Variants in VEZF1 observed in about 807,000 individuals in gnomAD.
The protein encoded by VEZF1 is vascular endothelial zinc finger 1.
VEZF1 carries 5 observed loss-of-function variants against 44.1 expected under a neutral mutation model. That is an observed-to-expected ratio of 0.11 (90% CI 0.06 to 0.24). The LOEUF is 0.24. VEZF1 is among the 10% of genes least tolerant of loss of function. VEZF1 has a pLI of 1.00. For synonymous variants in VEZF1, 236 were observed against 233.1 expected, an observed-to-expected ratio of 1.01 and a Z score of -0.11; for missense variants, 358 against 641.8, an observed-to-expected ratio of 0.56 and a Z score of 4.78.
rs569737296 is a variant in VEZF1 at position 57,974,715 on chromosome 17, T to C, written c.1324A>G (p.Ile442Val). 5.0e-6 allele frequency: 8 copies of C among 1,614,062 alleles called. No homozygotes were observed. Among genetic ancestry groups the C allele is most frequent in the African/African-American group, 1.3e-5 (1 of 74,930 alleles). Reference protein sequence around the residue: ...SAVNITSPMNIGHPVTITSPL... With the variant: ...SAVNITSPMNVGHPVTITSPL... The stretch of plus-strand genomic sequence containing the variant: ...CTGGTTATAGTTACAGGATGCCCTA[T>C]GTTCATTGGGCTGGTTATGTTAACT... Residue 442 changes from isoleucine (I) to valine (V), a missense_variant, in exon 6 of 6, where the codon ATA (isoleucine) becomes GTA (valine). This residue lies in a region of VEZF1 where 171 missense variants were observed against 272.4 expected (regional missense o/e 0.63). Coordinates refer to ENST00000581208, the MANE Select transcript of VEZF1 (RefSeq NM_007146.3).
intron 4 of VEZF1, 150 bp from the exon 5 acceptor site, chr17:57,979,463 G>C: frequency 8.7e-7 from 1 of 1,148,396 alleles, no homozygotes; most frequent in South Asian, 2.3e-5. Context: ...TGTCTATATT[G>C]GTCAAAATAA....
chr17:57,980,104 C>T (rs930606603), intron 4 of VEZF1, among the ~76,000 whole-genome samples: 1 of 151,744 alleles, frequency 6.6e-6, no homozygotes, highest in African/African-American at 2.4e-5. Flanking sequence ...TAGATTAACA[C>T]ACATTAAGCT....
chr17:57,983,281 G>C lies in VEZF1; in HGVS notation c.146C>G (p.Thr49Ser), dbSNP rs757659005. The C allele has an allele frequency of 1.2e-6, 2 of 1,614,162 alleles. No individual in the cohort carries two copies. The highest frequency in any genetic ancestry group is 2.2e-5 in the South Asian group (2 of 91,084). ...TTCTGGTGCACCCTGAGGTTTCTGA[G>C]TTATTGGTATTGGAAGCAATGGTTT... ...DQKPLLPIPI[T>S]QKPQGAPETL... Residue 49 changes from threonine to serine, a missense_variant, in exon 2 of 6, where the codon ACT (threonine) becomes AGT (serine). By Grantham distance (58) the Thr-to-Ser change is moderately conservative. Transcript: ENST00000581208.
At chr17:57,985,164 T>C in intron 1 of VEZF1, 1 of 796,720 alleles carries the variant, frequency 1.3e-6, no homozygotes, top group Non-Finnish European at 1.7e-6. Context: ...GGAATGCAGA[T>C]CTTCTGGACA....
intron 1 of VEZF1, chr17:57,986,035 G>A (rs906709702): frequency 1.3e-4 from 19 of 151,862 alleles, no homozygotes; most frequent in Non-Finnish European, 2.1e-4. Flanking sequence ...AACTGCTCTC[G>A]GCTCTAAATT....
rs1473423040 is a variant in VEZF1, at chr17:57,983,004, T to C, written c.423A>G (p.Thr141=). The change falls in exon 2 of 6, where the codon ACA becomes ACG. Residue 141 remains threonine (T), a synonymous_variant. Transcript: ENST00000581208. ...TACTGGGGTTGGTGCCCGAGGAAGA[T>C]GTAGTGACTGTTGACAAGATGCCTG... ...TIAGILSTVT[T]SSSGTNPSSS... The C allele has an allele frequency of 1.9e-6, 3 of 1,614,094 alleles. No individual in the cohort carries two copies. The highest frequency in any genetic ancestry group is 1.6e-4 in the Middle Eastern group (1 of 6,062).
chr17:57,986,751 G>T (rs901483181), intron 1 of VEZF1, among the ~76,000 whole-genome samples: 1 of 152,218 alleles, frequency 6.6e-6, no homozygotes, highest in African/African-American at 2.4e-5. Context: ...ACTCCACTAG[G>T]ATGAATCCAG....
intron 3 of VEZF1, among the ~76,000 whole-genome samples, chr17:57,981,505 TCTC>T (rs2075249369): frequency 6.6e-6 from 1 of 152,216 alleles, no homozygotes; most frequent in Admixed American, 6.5e-5. Flanking sequence ...TTCATTATTT[TCTC>T]CTATTACAGT....
intron 5 of VEZF1, among the ~76,000 whole-genome samples, chr17:57,978,445 C>T (rs2075213347): frequency 6.6e-6 from 1 of 152,184 alleles, no homozygotes; most frequent in South Asian, 2.1e-4. Flanking sequence ...GAAATGGCTG[C>T]ACAATAGTCC....
At chr17:57,975,180 T>C (rs2075178003) in intron 5 of VEZF1, among the ~76,000 whole-genome samples, 1 of 152,244 alleles carries the variant, frequency 6.6e-6, no homozygotes, top group Non-Finnish European at 1.5e-5. Flanking sequence ...TTTACTTACC[T>C]ACCTCACAGT....
rs138270166 is a variant in VEZF1, at chr17:57,972,232, TA to T, written c.*2240del. The T allele has an allele frequency of 0.022, 3,366 of 152,474 alleles. 51 individuals carry two copies. The highest frequency in any genetic ancestry group is 0.051 in the Middle Eastern group (15 of 294). 9.4% of individuals were successfully genotyped at this position (152,474 alleles called of 1,614,324 possible). ...GGGTTCTGACAACCACATTCTAGCTTAGGGGTAGGGCCCACACCTGCCCCCA... is the reference window on the plus strand; with the variant it reads ...GGGTTCTGACAACCACATTCTAGCTTGGGGTAGGGCCCACACCTGCCCCCA... On this transcript the variant is annotated 3_prime_UTR_variant, in exon 6 of 6. Transcript: ENST00000581208.
chr17:57,980,486 T>C (rs189486926), intron 4 of VEZF1, 117 bp downstream of exon 4: 122 of 971,454 alleles, frequency 1.3e-4, no homozygotes, highest in Non-Finnish European at 1.8e-4. Flanking sequence ...TGTTTGCACA[T>C]GTTGGCAATA....
rs2143312823 is a variant in VEZF1, at chr17:57,974,263, C to T, written c.*210G>A. On this transcript the variant is annotated 3_prime_UTR_variant, in exon 6 of 6. Transcript: ENST00000581208. ...CAATGTTGTCAGCTAAAAGGAATTT[C>T]TGATTAAACTAAAGTGGTCCAGTGA... 1.7e-6 allele frequency: 1 copy of T among 588,706 alleles called. No individual in the cohort carries two copies. The highest frequency in any genetic ancestry group is 2.5e-5 in the South Asian group (1 of 39,520). 36.5% of individuals were successfully genotyped at this position (588,706 alleles called of 1,614,324 possible).
chr17:57,980,877 C>T (rs2143348906), intron 3 of VEZF1, 91 bp from the exon 4 acceptor site: 3 of 1,258,464 alleles, frequency 2.4e-6, no homozygotes, highest in East Asian at 2.5e-5. Flanking sequence ...ACCCTATCCA[C>T]ATCAGCAAGC....
At chr17:57,984,858 C>CT (rs1252677298) in intron 1 of VEZF1, among the ~76,000 whole-genome samples, 3 of 152,180 alleles carry the variant, frequency 2.0e-5, no homozygotes, top group African/African-American at 7.2e-5. Flanking sequence ...TGTAATCACC[C>CT]TTTGAGTCCT....
intron 1 of VEZF1, among the ~76,000 whole-genome samples, 171 bp from the exon 2 acceptor site, chr17:57,983,564 T>C (rs548025820): frequency 5.3e-5 from 8 of 152,226 alleles, no homozygotes; most frequent in Non-Finnish European, 8.8e-5. Flanking sequence ...ATACAAAGCA[T>C]TGAAAAATCA....
At position 57,977,905 on chromosome 17, in the gene VEZF1, G is replaced by A. The variant is rs536542322; in HGVS notation, c.1138+1247C>T. ...TTTTATTTTTATCCAAGTATAGGAGGTTTAGAGATCACTCTGGCCAGGTGT... is the reference window on the plus strand; with the variant it reads ...TTTTATTTTTATCCAAGTATAGGAGATTTAGAGATCACTCTGGCCAGGTGT... On this transcript the variant is annotated intron_variant, in intron 5 of 5. Transcript: ENST00000581208. Among the ~76,000 whole-genome samples, 6 of 151,914 alleles carry A rather than the reference G, an allele frequency of 3.9e-5. No homozygotes were observed. The South Asian group carries it at 1.2e-3, about 32-fold the overall frequency.
chr17:57,979,375 A>C (rs2143340060), intron 4 of VEZF1, 62 bp from the exon 5 acceptor site: 1 of 1,594,018 alleles, frequency 6.3e-7, no homozygotes, highest in South Asian at 1.1e-5. Context: ...GTTTTTTTTC[A>C]AAATTGACTT....
chr17:57,984,413 G>GA (rs1288933060), intron 1 of VEZF1, among the ~76,000 whole-genome samples: 1 of 152,120 alleles, frequency 6.6e-6, no homozygotes, highest in Non-Finnish European at 1.5e-5. Flanking sequence ...GGAAATGATG[G>GA]AAAAAATTCC....
Sources: allele counts gnomAD v4.1 joint callset (sites outside exome capture counted in the v4.1 genomes callset), GRCh38; gene constraint gnomAD v4.1.1; regional missense constraint gnomAD v4.1.1; transcripts MANE v1.5; gene names NCBI Gene and HGNC (gene_info 2026-07-23, HGNC 2026-07-21).